KCNK2: variants seen among roughly 807,000 people sequenced by gnomAD.
KCNK2 encodes the protein potassium two pore domain channel subfamily K member 2.
In KCNK2, 21 loss-of-function variants were observed where a neutral mutation model predicts 40.5. The observed-to-expected ratio is 0.52, with a 90% CI of 0.37 to 0.75. The LOEUF is 0.75. Among genes scored for constraint, KCNK2 ranks in the 30% least tolerant of loss-of-function variants. The pLI is 0.00. For missense variants in KCNK2, 399 were observed against 531.6 expected (o/e 0.75, Z 2.45); for synonymous variants, 191 against 202.2 (o/e 0.94, Z 0.47).
intron 2 of KCNK2, among the ~76,000 whole-genome samples, chr1:215,096,978 C>G (rs964091983): frequency 2.0e-5 from 3 of 151,700 alleles, no homozygotes; most frequent in African/African-American, 7.3e-5. Context: ...AACCTGGATC[C>G]TTAGAGATAG....
At chr1:215,012,257 A>G (rs990860848) in intron 1 of KCNK2, among the ~76,000 whole-genome samples, 3 of 152,152 alleles carry the variant, frequency 2.0e-5, no homozygotes, top group African/African-American at 7.2e-5. Context: ...ACCATTTTGC[A>G]TGTCCACCAG....
At chr1:215,232,130 G>C (rs1666691384) in intron 6 of KCNK2, among the ~76,000 whole-genome samples, 1 of 152,188 alleles carries the variant, frequency 6.6e-6, no homozygotes, top group Non-Finnish European at 1.5e-5. Context: ...TAGCAAAGGT[G>C]TAGGTACAAG....
chr1:215,184,952 A>T (rs886436953), intron 5 of KCNK2, among the ~76,000 whole-genome samples: 1 of 152,194 alleles, frequency 6.6e-6, no homozygotes, highest in Non-Finnish European at 1.5e-5. Flanking sequence ...CCATTGTATA[A>T]ACCAGCTTAG....
intron 1 of KCNK2, among the ~76,000 whole-genome samples, chr1:215,044,538 A>T (rs1235204444): frequency 6.6e-6 from 1 of 152,062 alleles, no homozygotes; most frequent in African/African-American, 2.4e-5. Context: ...AATAATACCT[A>T]TATTATAGGT....
chr1:215,108,549 G>A (rs1558094644), intron 2 of KCNK2, among the ~76,000 whole-genome samples: 1 of 151,952 alleles, frequency 6.6e-6, no homozygotes, highest in Non-Finnish European at 1.5e-5. Flanking sequence ...TGCTTTTGTT[G>A]CTTAGGCTTT....
At chr1:215,170,848 G>C (rs542831631) in intron 4 of KCNK2, among the ~76,000 whole-genome samples, 1 of 152,110 alleles carries the variant, frequency 6.6e-6, no homozygotes, top group South Asian at 2.1e-4. Context: ...CCTAGATGCT[G>C]GGTAATATTT....
At chr1:215,162,874 G>GT (rs148508487) in intron 3 of KCNK2, among the ~76,000 whole-genome samples, 86,955 of 147,434 alleles carry the variant, frequency 0.59, 26,724 homozygotes, top group Non-Finnish European at 0.69. Context: ...TGCCAGGTTT[G>GT]TTTTTTTTTT....
chr1:215,097,584 C>A (rs1293211439), intron 2 of KCNK2, among the ~76,000 whole-genome samples: 1 of 151,884 alleles, frequency 6.6e-6, no homozygotes, highest in African/African-American at 2.4e-5. Flanking sequence ...TGGTTTCATG[C>A]AGTTGCTTTA....
intron 2 of KCNK2, among the ~76,000 whole-genome samples, chr1:215,103,184 G>A (rs1002540718): frequency 6.6e-5 from 10 of 151,798 alleles, no homozygotes; most frequent in Non-Finnish European, 1.5e-4. Flanking sequence ...TAGGGAGAGA[G>A]GAGATGGCTG....
chr1:215,024,821 CTT>C (rs1229163482), intron 1 of KCNK2, among the ~76,000 whole-genome samples: 1 of 152,126 alleles, frequency 6.6e-6, no homozygotes, highest in African/African-American at 2.4e-5. Flanking sequence ...CCACTCTTGT[CTT>C]TATATCCATC....
At chr1:215,007,197 A>ATGTGTGTGTGTG (rs1656206854) in intron 1 of KCNK2, among the ~76,000 whole-genome samples, 1 of 51,684 alleles carries the variant, frequency 1.9e-5, no homozygotes, top group African/African-American at 7.9e-5. Flanking sequence ...ATATATATAT[A>ATGTGTGTGTGTG]TATATATATA....
chr1:215,174,592 C>A (rs908240262), intron 5 of KCNK2, among the ~76,000 whole-genome samples: 79 of 152,142 alleles, frequency 5.2e-4, no homozygotes, highest in Non-Finnish European at 1.1e-3. Flanking sequence ...ATTGATTCTT[C>A]CTATCCATGA....
chr1:215,118,485 T>C (rs769832780), intron 2 of KCNK2, among the ~76,000 whole-genome samples: 4 of 152,134 alleles, frequency 2.6e-5, no homozygotes, highest in Non-Finnish European at 5.9e-5. Flanking sequence ...TGTAGTGTTG[T>C]GGATGTGTGA....
chr1:215,154,837 G>C (rs1211821773), intron 3 of KCNK2, among the ~76,000 whole-genome samples: 2 of 152,052 alleles, frequency 1.3e-5, no homozygotes, highest in Admixed American at 1.3e-4. Flanking sequence ...TTGAATAGGC[G>C]ATCCTTCCCC....
At chr1:215,230,507 GTATATA>G (rs201898524) in intron 6 of KCNK2, among the ~76,000 whole-genome samples, 21,677 of 65,488 alleles carry the variant, frequency 0.33, 2,427 homozygotes, top group South Asian at 0.56. Context: ...ACACACGGCT[GTATATA>G]TATATATATA....
intron 2 of KCNK2, among the ~76,000 whole-genome samples, chr1:215,090,051 C>T (rs989923444): frequency 6.6e-6 from 1 of 152,054 alleles, no homozygotes; most frequent in Admixed American, 6.6e-5. Flanking sequence ...GTCTCGAACT[C>T]CCGACCTCAG....
intron 5 of KCNK2, among the ~76,000 whole-genome samples, chr1:215,182,969 C>G (rs1296892295): frequency 6.6e-6 from 1 of 152,122 alleles, no homozygotes; most frequent in African/African-American, 2.4e-5. Flanking sequence ...CTATCTGCCT[C>G]TCTCATATCC....
intron 6 of KCNK2, among the ~76,000 whole-genome samples, chr1:215,219,054 T>G (rs755655083): frequency 1.3e-5 from 2 of 152,224 alleles, no homozygotes; most frequent in African/African-American, 2.4e-5. Context: ...CAATTCTGCT[T>G]CGTCATGCAG....
chr1:215,020,471 G>A (rs1056625830), intron 1 of KCNK2, among the ~76,000 whole-genome samples: 2 of 152,148 alleles, frequency 1.3e-5, no homozygotes, highest in African/African-American at 4.8e-5. Context: ...TGTTACTTAG[G>A]CTGGAGTGCA....
Sources: allele counts gnomAD v4.1 joint callset (sites outside exome capture counted in the v4.1 genomes callset), GRCh38; gene constraint gnomAD v4.1.1; transcripts MANE v1.5; gene names NCBI Gene and HGNC (gene_info 2026-07-23, HGNC 2026-07-21).